The following SCD5 variants were observed in gnomAD, a reference collection of about 807,000 sequenced individuals.
SCD5 encodes stearoyl-CoA desaturase 5.
SCD5 carries 20 observed loss-of-function variants against 30.4 expected under a neutral mutation model. That is an observed-to-expected ratio of 0.66 (90% CI 0.46 to 0.96). The LOEUF is 0.96. Ranked by LOEUF, SCD5 falls within the 40% of genes least tolerant of loss-of-function variation. The probability of loss-of-function intolerance (pLI) is 0.00; values close to 1 mark genes in which losing one functional copy is unlikely to be tolerated. For missense variants in SCD5, 381 were observed against 443.3 expected (o/e 0.86, Z 1.26); for synonymous variants, 173 against 176.4 (o/e 0.98, Z 0.16).
intron 3 of SCD5, among the ~76,000 whole-genome samples, chr4:82,652,091 A>G (rs1727769781): frequency 6.6e-6 from 1 of 152,118 alleles, no homozygotes; most frequent in Non-Finnish European, 1.5e-5. Context: ...TCCTGGAACT[A>G]CACTTCGAGG....
At position 82,760,400 on chromosome 4, in the gene SCD5, G is replaced by A. The variant is rs73829988; in HGVS notation, c.232+37906C>T. ...TCTCCTGCCACTCTCCTTCTCACCC[G>A]TTTTATTTTGTCTTGAGGCGAAATC... is the stretch of plus-strand genomic sequence containing the variant. On this transcript the variant is annotated intron_variant, in intron 1 of 4. Transcript: ENST00000319540. 2.8e-3 allele frequency among the ~76,000 whole-genome samples: 427 copies of A among 152,000 alleles called. 2 individuals are homozygous for A. The highest frequency in any genetic ancestry group is 9.9e-3 in the African/African-American group (409 of 41,440).
At chr4:82,767,923 G>A (rs1721528011) in intron 1 of SCD5, among the ~76,000 whole-genome samples, 1 of 151,982 alleles carries the variant, frequency 6.6e-6, no homozygotes. Context: ...AGGCATAAAT[G>A]TACTCCCACT....
chr4:82,720,441 T>TAAAAAAAAAAAAAAAAAAAAAAAAAAAA (rs1553917690), intron 1 of SCD5, among the ~76,000 whole-genome samples: 1 of 77,940 alleles, frequency 1.3e-5, no homozygotes, highest in Non-Finnish European at 2.4e-5. Flanking sequence ...AAGGCAAAAA[T>TAAAAAAAAAAAAAAAAAAAAAAAAAAAA]AAAAAAAAAA....
chr4:82,634,643 G>A (rs926628238), intron 4 of SCD5, among the ~76,000 whole-genome samples: 14 of 152,208 alleles, frequency 9.2e-5, no homozygotes, highest in Non-Finnish European at 1.8e-4. Flanking sequence ...GAGGCAAACT[G>A]TCTGGGAGTC....
At chr4:82,684,792 T>C (rs905945315) in intron 2 of SCD5, among the ~76,000 whole-genome samples, 2 of 152,144 alleles carry the variant, frequency 1.3e-5, no homozygotes, top group Non-Finnish European at 2.9e-5. Flanking sequence ...ATAGCTCTTG[T>C]CTAAAACTAT....
chr4:82,761,521 T>C (rs1255956389), intron 1 of SCD5, among the ~76,000 whole-genome samples: 1 of 152,210 alleles, frequency 6.6e-6, no homozygotes, highest in Non-Finnish European at 1.5e-5. Flanking sequence ...ACAGCTCATG[T>C]AGCTCAGGGG....
rs570916988 is a variant in SCD5 at position 82,652,796 on chromosome 4, C to T, written c.570-15973G>A. On this transcript the variant is annotated intron_variant, in intron 3 of 4. Transcript: ENST00000319540. ...CTGAAAGAGTACCTGAGGGGGATCA[C>T]TTCAAAGTAAATGTTTTGCCTAAAT... is the stretch of plus-strand genomic sequence containing the variant. 8.7e-4 allele frequency among the ~76,000 whole-genome samples: 133 copies of T among 152,264 alleles called. 1 individual carries two copies. The highest frequency in any genetic ancestry group is 3.1e-3 in the African/African-American group (130 of 41,542).
At chr4:82,722,168 T>C (rs1382098671) in intron 1 of SCD5, among the ~76,000 whole-genome samples, 1 of 152,262 alleles carries the variant, frequency 6.6e-6, no homozygotes, top group East Asian at 1.9e-4. Context: ...CAGGATTTAT[T>C]CTTTCATTCT....
chr4:82,677,036 T>C (rs1728451181), intron 3 of SCD5, among the ~76,000 whole-genome samples: 1 of 152,236 alleles, frequency 6.6e-6, no homozygotes, highest in Non-Finnish European at 1.5e-5. Context: ...GCCAAGCTTT[T>C]CTTTAGTAAG....
intron 3 of SCD5, among the ~76,000 whole-genome samples, chr4:82,678,036 C>G (rs1728472513): frequency 6.6e-6 from 1 of 152,076 alleles, no homozygotes; most frequent in Admixed American, 6.6e-5. Flanking sequence ...CAGTATTCCT[C>G]TACCTTAATC....
intron 2 of SCD5, 145 bp downstream of exon 2, chr4:82,705,137 TA>T: frequency 9.8e-7 from 1 of 1,015,714 alleles, no homozygotes; most frequent in Non-Finnish European, 1.4e-6. Context: ...TACAAAGAGA[TA>T]AAAACTTGGG....
intron 1 of SCD5, among the ~76,000 whole-genome samples, chr4:82,751,471 A>G (rs1420949087): frequency 2.0e-5 from 3 of 152,216 alleles, no homozygotes; most frequent in Non-Finnish European, 4.4e-5. Context: ...GTTTCACTAA[A>G]TCTTTAAATC....
chr4:82,690,033 T>C (rs1362319471), intron 2 of SCD5, among the ~76,000 whole-genome samples: 1 of 152,192 alleles, frequency 6.6e-6, no homozygotes, highest in African/African-American at 2.4e-5. Context: ...CTATTCCAGA[T>C]GAATGGAATC....
intron 1 of SCD5, among the ~76,000 whole-genome samples, chr4:82,737,632 T>C (rs1024368584): frequency 6.6e-6 from 1 of 152,188 alleles, no homozygotes; most frequent in South Asian, 2.1e-4. Context: ...TTGTCAAATA[T>C]ACCCAGCAAT....
intron 3 of SCD5, chr4:82,661,037 C>T: frequency 6.2e-7 from 1 of 1,613,946 alleles, no homozygotes; most frequent in Non-Finnish European, 8.5e-7. Flanking sequence ...CACGCTGCCT[C>T]TTGATTGAGA....
chr4:82,769,965 A>G (rs1242923887), intron 1 of SCD5, among the ~76,000 whole-genome samples: 1 of 152,180 alleles, frequency 6.6e-6, no homozygotes, highest in African/African-American at 2.4e-5. Flanking sequence ...AAAATACCTA[A>G]CTGAAATGCA....
At chr4:82,720,245 T>C (rs900783777) in intron 1 of SCD5, among the ~76,000 whole-genome samples, 6 of 151,770 alleles carry the variant, frequency 4.0e-5, no homozygotes, top group African/African-American at 1.5e-4. Context: ...TTGGGCAACA[T>C]AGTGAGACAC....
At chr4:82,728,475 A>C (rs1041893840) in intron 1 of SCD5, among the ~76,000 whole-genome samples, 1 of 152,224 alleles carries the variant, frequency 6.6e-6, no homozygotes, top group Non-Finnish European at 1.5e-5. Flanking sequence ...TCATGTGGCC[A>C]GAGGTCACAA....
intron 1 of SCD5, among the ~76,000 whole-genome samples, chr4:82,731,696 A>G (rs566149163): frequency 6.6e-6 from 1 of 152,328 alleles, no homozygotes; most frequent in East Asian, 1.9e-4. Context: ...GATGGATTCT[A>G]GAGTTTAGGG....
Sources: gnomAD v4.1 joint callset for allele counts (sites outside exome capture counted in the v4.1 genomes callset) on GRCh38, gnomAD v4.1.1 for gene constraint, MANE v1.5 for transcripts, NCBI Gene and HGNC (gene_info 2026-07-23, HGNC 2026-07-21) for gene names.